The following CRTAC1 variants were observed in gnomAD, a reference collection of about 807,000 sequenced individuals.
The protein encoded by CRTAC1 is cartilage acidic protein 1.
A neutral mutation model predicts 67.8 loss-of-function variants in CRTAC1; 37 were observed. The ratio of observed to expected loss-of-function variants is 0.55; its 90% CI spans 0.42 to 0.72. The LOEUF is 0.72. Among genes scored for constraint, CRTAC1 ranks in the 30% least tolerant of loss-of-function variants. The pLI is 0.00. For missense variants in CRTAC1, 780 were observed against 931.6 expected, an observed-to-expected ratio of 0.84 and a Z score of 2.12; for synonymous variants, 348 against 371.0, an observed-to-expected ratio of 0.94 and a Z score of 0.71.
intron 6 of CRTAC1, among the ~76,000 whole-genome samples, chr10:97,906,962 GCAGGC>G (rs2050620970): frequency 6.6e-6 from 1 of 152,202 alleles, no homozygotes; most frequent in Non-Finnish European, 1.5e-5. Context: ...CACCACTCCT[GCAGGC>G]CAGAGCTCTT....
At chr10:98,025,769 G>T (rs1843220156) in intron 1 of CRTAC1, among the ~76,000 whole-genome samples, 1 of 152,210 alleles carries the variant, frequency 6.6e-6, no homozygotes, top group African/African-American at 2.4e-5. Context: ...GAATTTGTCA[G>T]CACTCTTAAA....
intron 2 of CRTAC1, among the ~76,000 whole-genome samples, chr10:97,950,379 C>T (rs2051336400): frequency 6.6e-6 from 1 of 152,034 alleles, no homozygotes; most frequent in East Asian, 1.9e-4. Context: ...GAATGATAGG[C>T]CCATTGAGCT....
At chr10:97,997,408 C>T (rs147785731) in intron 2 of CRTAC1, among the ~76,000 whole-genome samples, 1 of 140,196 alleles carries the variant, frequency 7.1e-6, no homozygotes, top group Non-Finnish European at 1.5e-5. Flanking sequence ...AGCCGAGATA[C>T]TGCCACTGCA....
intron 2 of CRTAC1, among the ~76,000 whole-genome samples, chr10:97,986,497 T>C (rs1020738132): frequency 6.6e-6 from 1 of 152,196 alleles, no homozygotes; most frequent in African/African-American, 2.4e-5. Flanking sequence ...AGAGCACTCA[T>C]GCAGGATTGC....
At chr10:97,943,185 C>T (rs1002575) in intron 2 of CRTAC1, among the ~76,000 whole-genome samples, 4,098 of 151,660 alleles carry the variant, frequency 0.027, 165 homozygotes, top group African/African-American at 0.093. Flanking sequence ...AGTGCAAGAC[C>T]GAGACCAGAG....
intron 2 of CRTAC1, among the ~76,000 whole-genome samples, chr10:98,010,336 G>A (rs986121073): frequency 6.6e-5 from 10 of 152,072 alleles, no homozygotes; most frequent in East Asian, 3.9e-4. Context: ...CACTGCACCC[G>A]GCCCTCAATG....
intron 2 of CRTAC1, among the ~76,000 whole-genome samples, chr10:97,961,000 A>G (rs959831681): frequency 1.3e-5 from 2 of 152,208 alleles, no homozygotes; most frequent in Admixed American, 1.3e-4. Context: ...TGTTTGAAAT[A>G]TAATTTTCCT....
intron 2 of CRTAC1, among the ~76,000 whole-genome samples, chr10:97,997,292 C>CA (rs200641021): frequency 0.29 from 38,953 of 135,014 alleles, 5,763 homozygotes; most frequent in Non-Finnish European, 0.32. Context: ...TAGTCAAATA[C>CA]AAAAAAAAAA....
At chr10:97,996,203 C>T (rs544629361) in intron 2 of CRTAC1, among the ~76,000 whole-genome samples, 5 of 151,960 alleles carry the variant, frequency 3.3e-5, no homozygotes, top group Admixed American at 3.3e-4. Flanking sequence ...ACACCAAAAG[C>T]AATGGCAACA....
At chr10:97,898,829 A>C (rs1440344295) in intron 8 of CRTAC1, among the ~76,000 whole-genome samples, 3 of 152,174 alleles carry the variant, frequency 2.0e-5, no homozygotes, top group Non-Finnish European at 4.4e-5. Context: ...GACCCTGCAC[A>C]CCGCAGTTGG....
intron 3 of CRTAC1, among the ~76,000 whole-genome samples, chr10:97,931,019 T>C (rs2050996093): frequency 6.6e-6 from 1 of 151,812 alleles, no homozygotes; most frequent in Non-Finnish European, 1.5e-5. Context: ...TACAACTCAA[T>C]AAGGAAAAGA....
intron 4 of CRTAC1, among the ~76,000 whole-genome samples, chr10:97,921,711 C>T (rs146479165): frequency 3.0e-3 from 464 of 152,220 alleles, no homozygotes; most frequent in African/African-American, 3.7e-3. Context: ...CCATTCCTCC[C>T]CTGGCAGTCC....
intron 2 of CRTAC1, among the ~76,000 whole-genome samples, chr10:97,966,728 T>G (rs1304360676): frequency 1.3e-5 from 2 of 152,204 alleles, no homozygotes; most frequent in Non-Finnish European, 2.9e-5. Flanking sequence ...AGTTTCTCAC[T>G]TTCCTTGGTC....
chr10:97,878,534 C>T, intron 14 of CRTAC1: 2 of 1,139,336 alleles, frequency 1.8e-6, no homozygotes, highest in Non-Finnish European at 2.2e-6. Context: ...CTTTTTTTCC[C>T]CATGAAGAAT....
chr10:97,989,498 C>CTGAA (rs1842394921), intron 2 of CRTAC1, among the ~76,000 whole-genome samples: 1 of 152,204 alleles, frequency 6.6e-6, no homozygotes, highest in Non-Finnish European at 1.5e-5. Flanking sequence ...TGTTACTGTA[C>CTGAA]TGAATACTGT....
At chr10:98,002,872 G>T (rs553352533) in intron 2 of CRTAC1, among the ~76,000 whole-genome samples, 1 of 137,716 alleles carries the variant, frequency 7.3e-6, no homozygotes, top group Non-Finnish European at 1.5e-5. Flanking sequence ...TCCGCCTCCC[G>T]GGTTCATGCC....
intron 3 of CRTAC1, among the ~76,000 whole-genome samples, chr10:97,932,757 G>A (rs1175107720): frequency 6.6e-6 from 1 of 152,192 alleles, no homozygotes; most frequent in African/African-American, 2.4e-5. Context: ...TGTAAGCGAT[G>A]GGAAGGGCTT....
At chr10:97,887,234 T>TTTTG (rs1336598345) in intron 11 of CRTAC1, among the ~76,000 whole-genome samples, 1 of 151,498 alleles carries the variant, frequency 6.6e-6, no homozygotes, top group African/African-American at 2.4e-5. Flanking sequence ...TAGGTTTTTT[T>TTTTG]TTTTTTTTTT....
At chr10:97,921,578 C>T (rs570532079) in intron 4 of CRTAC1, among the ~76,000 whole-genome samples, 7 of 152,316 alleles carry the variant, frequency 4.6e-5, no homozygotes, top group Admixed American at 2.6e-4. Flanking sequence ...AAGCATGCAG[C>T]ATAAGGCTCG....
Sources: gnomAD v4.1 joint callset for allele counts (sites outside exome capture counted in the v4.1 genomes callset) on GRCh38, gnomAD v4.1.1 for gene constraint, MANE v1.5 for transcripts, NCBI Gene and HGNC (gene_info 2026-07-23, HGNC 2026-07-21) for gene names.